The following ACAT1 variants were observed in gnomAD, a reference collection of about 807,000 sequenced individuals.
ACAT1 encodes the protein acetyl-CoA acetyltransferase, mitochondrial.
ACAT1 carries 28 observed loss-of-function variants against 47.3 expected under a neutral mutation model. The ratio of observed to expected loss-of-function variants is 0.59; its 90% CI spans 0.44 to 0.81. The LOEUF (loss-of-function observed/expected upper bound fraction) is 0.81. Among genes scored for constraint, ACAT1 ranks in the 30% least tolerant of loss-of-function variants. The pLI, the probability that ACAT1 is intolerant of heterozygous loss-of-function variation, is 0.00. For missense variants in ACAT1, 469 were observed against 524.3 expected, an observed-to-expected ratio of 0.89 and a Z score of 1.03; for synonymous variants, 181 against 173.6, an observed-to-expected ratio of 1.04 and a Z score of -0.34.
intron 10 of ACAT1, among the ~76,000 whole-genome samples, chr11:108,145,299 G>A (rs762960615): frequency 2.6e-5 from 4 of 152,140 alleles, no homozygotes; most frequent in African/African-American, 4.8e-5. Context: ...TAACCCTACA[G>A]TAACATTTAT....
chr11:108,117,977 C>A (rs548829812), upstream of ACAT1, among the ~76,000 whole-genome samples: 7 of 152,306 alleles, frequency 4.6e-5, no homozygotes, highest in South Asian at 1.4e-3. Context: ...GAGGTATTGA[C>A]TAGATCTCCT....
In ACAT1 at chr11:108,134,329, C is replaced by T; in HGVS notation, c.334+13C>T. 1 of 1,605,744 alleles carries T rather than the reference C, an allele frequency of 6.2e-7. No individual in the cohort carries two copies. On this transcript the variant is annotated intron_variant, in intron 4 of 11. Coordinates refer to ENST00000265838, the MANE Select transcript of ACAT1 (RefSeq NM_000019.4). ...GTATTGGGTGCAGGTACCTGGAAGA[C>T]TTTTTTGCTTTTATACTTAAAATGT... is the stretch of plus-strand genomic sequence containing the variant.
chr11:108,141,513 G>T, intron 7 of ACAT1, 92 bp from the exon 8 acceptor site: 2 of 869,278 alleles, frequency 2.3e-6, no homozygotes, highest in East Asian at 2.6e-5. Flanking sequence ...GGATACAAAG[G>T]GAGGCACAGA....
chr11:108,130,060 G>GTATA (rs2077328492), intron 1 of ACAT1, among the ~76,000 whole-genome samples: 2 of 152,152 alleles, frequency 1.3e-5, no homozygotes, highest in Admixed American at 1.3e-4. Context: ...CTGTCTCTGA[G>GTATA]TATATATGTT....
At chr11:108,132,367 G>T (rs183944760) in intron 2 of ACAT1, among the ~76,000 whole-genome samples, 1 of 152,082 alleles carries the variant, frequency 6.6e-6, no homozygotes, top group Non-Finnish European at 1.5e-5. Flanking sequence ...GTTTTGTAAG[G>T]GTCACTAAAG....
In ACAT1 at chr11:108,143,966, C is replaced by T. The variant is rs772808876; in HGVS notation, c.941-17C>T. 7 of 1,113,620 alleles carry T rather than the reference C, an allele frequency of 6.3e-6. No individual in the cohort carries two copies. Among genetic ancestry groups the T allele is most frequent in the African/African-American group, 1.6e-5 (1 of 62,804 alleles). 69.0% of individuals were successfully genotyped at this position (1,113,620 alleles called of 1,614,324 possible). On this transcript the variant is annotated splice_polypyrimidine_tract_variant and intron_variant, in intron 9 of 11. Transcript: ENST00000265838. ...AAAAAAGATTTTAACAACCCCCCCC[C>T]CCCTTTTTTTAAACAGCATTTGCTG...
chr11:108,145,533 A>G (rs766891473), intron 10 of ACAT1, among the ~76,000 whole-genome samples: 4 of 152,140 alleles, frequency 2.6e-5, no homozygotes, highest in Non-Finnish European at 5.9e-5. Flanking sequence ...ACCCTGTCTC[A>G]AAATAAATCA....
intron 1 of ACAT1, among the ~76,000 whole-genome samples, chr11:108,130,898 C>T (rs1242172538): frequency 6.6e-6 from 1 of 151,922 alleles, no homozygotes; most frequent in Non-Finnish European, 1.5e-5. Flanking sequence ...TACAGGTGCC[C>T]GCTACCACGC....
In ACAT1 at chr11:108,147,325, T is replaced by C. The variant is rs2077739478; in HGVS notation, c.1219T>C (p.Tyr407His). Residue 407 changes from tyrosine (Y) to histidine (H), a missense_variant, in exon 12 of 12, where the codon TAC (tyrosine) becomes CAC (histidine). Transcript: ENST00000265838. ...HLTHALKQGE[Y>H]GLASICNGGG... Reference sequence around the variant, plus strand: ...GACTCATGCCTTGAAGCAAGGAGAATACGGTCTTGCCAGTATTTGCAATGG... The same window carrying C: ...GACTCATGCCTTGAAGCAAGGAGAACACGGTCTTGCCAGTATTTGCAATGG... 1.2e-6 allele frequency: 2 copies of C among 1,613,988 alleles called. No homozygotes were observed. The highest frequency in any genetic ancestry group is 1.7e-6 in the Non-Finnish European group (2 of 1,179,932).
At chr11:108,125,949 T>C (rs895544867) in intron 1 of ACAT1, among the ~76,000 whole-genome samples, 1 of 149,300 alleles carries the variant, frequency 6.7e-6, no homozygotes, top group African/African-American at 2.5e-5. Context: ...AGAAAAGACA[T>C]GAAGAATAAA....
chr11:108,125,698 C>A (rs961417210), intron 1 of ACAT1, among the ~76,000 whole-genome samples: 2 of 151,994 alleles, frequency 1.3e-5, no homozygotes, highest in African/African-American at 4.8e-5. Flanking sequence ...GAGGCTGAGG[C>A]GGGCAGATCA....
chr11:108,134,672 A>G (rs1411775577), intron 4 of ACAT1, among the ~76,000 whole-genome samples: 2 of 134,762 alleles, frequency 1.5e-5, no homozygotes, highest in East Asian at 4.8e-4. Context: ...AAGGCTGGGC[A>G]TGGTAGCTCA....
At chr11:108,142,607 T>C (rs1407264180) in intron 9 of ACAT1, 57 bp downstream of exon 9, 1 of 1,391,028 alleles carries the variant, frequency 7.2e-7, no homozygotes, top group East Asian at 2.3e-5. Context: ...GAGGTTGAGG[T>C]GGGAGGATTG....
chr11:108,121,768 C>G, intron 1 of ACAT1, 90 bp downstream of exon 1: 1 of 1,451,526 alleles, frequency 6.9e-7, no homozygotes, highest in South Asian at 1.2e-5. Flanking sequence ...TTGCGGCTCC[C>G]GCGGCCCGGG....
At chr11:108,129,407 C>T (rs913586375) in intron 1 of ACAT1, among the ~76,000 whole-genome samples, 6 of 151,866 alleles carry the variant, frequency 4.0e-5, no homozygotes, top group African/African-American at 9.7e-5. Flanking sequence ...CTTGCTCTGT[C>T]GCCCAGGCTG....
chr11:108,138,495 C>T (rs1375431805), intron 5 of ACAT1, among the ~76,000 whole-genome samples: 1 of 151,964 alleles, frequency 6.6e-6, no homozygotes, highest in African/African-American at 2.4e-5. Flanking sequence ...CTCCCAGGTT[C>T]AAGCAATCCT....
upstream of ACAT1, among the ~76,000 whole-genome samples, chr11:108,120,167 G>A (rs930621778): frequency 5.9e-5 from 9 of 151,898 alleles, no homozygotes; most frequent in African/African-American, 2.2e-4. Context: ...GATCGCGCCT[G>A]GGTGACAAGT....
intron 1 of ACAT1, among the ~76,000 whole-genome samples, chr11:108,127,282 T>TTTTTTATTTTTTTTCTTTTTTTCCCA (rs2077269164): frequency 6.6e-6 from 1 of 150,980 alleles, no homozygotes; most frequent in African/African-American, 2.4e-5. Context: ...TTTTTTTTTT[T>TTTTTTATTTTTTTTCTTTTTTTCCCA]GAGACAGAGT....
chr11:108,139,965 T>G lies in ACAT1; in HGVS notation c.580-100T>G. 2.1e-6 allele frequency: 3 copies of G among 1,418,906 alleles called. No individual in the cohort carries two copies. The South Asian group carries it at 3.8e-5, about 18-fold the overall frequency. The allele number at this position is 1,418,906 out of a possible 1,614,324, so 87.9% of individuals were successfully genotyped here. ...CACCTCCGGCCTAAGAAATATATTT[T>G]AAGAAACGTTAACTATTAAACACTA... On this transcript the variant is annotated intron_variant, in intron 6 of 11. Transcript: ENST00000265838.
Sources: gnomAD v4.1 joint callset for allele counts (sites outside exome capture counted in the v4.1 genomes callset) on GRCh38, gnomAD v4.1.1 for gene constraint, MANE v1.5 for transcripts, NCBI Gene and HGNC (gene_info 2026-07-23, HGNC 2026-07-21) for gene names.